Variants in CACNA2D3 observed in about 807,000 individuals in gnomAD.
CACNA2D3 encodes the protein calcium voltage-gated channel auxiliary subunit alpha2delta 3.
A neutral mutation model predicts 160.6 loss-of-function variants in CACNA2D3; 60 were observed. The observed-to-expected ratio is 0.37, with a 90% CI of 0.30 to 0.46. The LOEUF (loss-of-function observed/expected upper bound fraction) is 0.46, where lower values mean the gene tolerates loss of function less well. CACNA2D3 is among the 20% of genes least tolerant of loss of function. CACNA2D3 has a pLI of 1.00. For missense variants in CACNA2D3, 1,205 were observed against 1,365.0 expected (o/e 0.88, Z 1.85); for synonymous variants, 558 against 492.9 (o/e 1.13, Z -1.75).
At chr3:54,739,647 A>G (rs938788566) in intron 11 of CACNA2D3, among the ~76,000 whole-genome samples, 2 of 151,982 alleles carry the variant, frequency 1.3e-5, no homozygotes, top group South Asian at 2.1e-4. Flanking sequence ...AGCTGGGGCC[A>G]TAGAGTCCAA....
intron 11 of CACNA2D3, among the ~76,000 whole-genome samples, chr3:54,717,282 G>GA (rs1701067839): frequency 6.6e-6 from 1 of 152,130 alleles, no homozygotes; most frequent in Non-Finnish European, 1.5e-5. Flanking sequence ...ATGCTGCTGT[G>GA]AAAATTCTTC....
intron 29 of CACNA2D3, among the ~76,000 whole-genome samples, chr3:54,980,342 A>G (rs192190415): frequency 7.2e-5 from 11 of 152,260 alleles, no homozygotes; most frequent in African/African-American, 2.4e-4. Flanking sequence ...ACTGAATACT[A>G]CCTCTTTAAC....
At chr3:54,627,487 A>G (rs1016167626) in intron 9 of CACNA2D3, among the ~76,000 whole-genome samples, 6 of 152,150 alleles carry the variant, frequency 3.9e-5, no homozygotes, top group African/African-American at 1.2e-4. Context: ...GTAGGAGAGG[A>G]AAAGAGTCAC....
intron 3 of CACNA2D3, among the ~76,000 whole-genome samples, chr3:54,380,059 C>T (rs771903639): frequency 6.6e-6 from 1 of 152,160 alleles, no homozygotes; most frequent in Non-Finnish European, 1.5e-5. Flanking sequence ...AATCTCAACA[C>T]CAGAAGGAAT....
At chr3:54,195,691 C>A (rs1260929092) in intron 2 of CACNA2D3, among the ~76,000 whole-genome samples, 1 of 152,080 alleles carries the variant, frequency 6.6e-6, no homozygotes, top group Non-Finnish European at 1.5e-5. Flanking sequence ...GTGATGGTGG[C>A]AACATTTCTT....
At chr3:54,815,722 T>A (rs1352001779) in intron 13 of CACNA2D3, among the ~76,000 whole-genome samples, 1 of 152,328 alleles carries the variant, frequency 6.6e-6, no homozygotes, top group African/African-American at 2.4e-5. Flanking sequence ...AACCTTTAAG[T>A]TCCATTTTAG....
intron 4 of CACNA2D3, among the ~76,000 whole-genome samples, chr3:54,496,563 T>C (rs548588955): frequency 6.6e-6 from 1 of 152,328 alleles, no homozygotes; most frequent in East Asian, 1.9e-4. Flanking sequence ...CAGATGTGTG[T>C]ATTACGAATA....
chr3:54,467,451 G>A (rs1700648907), intron 4 of CACNA2D3, among the ~76,000 whole-genome samples: 1 of 152,180 alleles, frequency 6.6e-6, no homozygotes, highest in African/African-American at 2.4e-5. Context: ...GCAATGATGG[G>A]TCTCAAGTCT....
At chr3:54,186,827 A>G (rs150117227) in intron 2 of CACNA2D3, among the ~76,000 whole-genome samples, 1 of 152,208 alleles carries the variant, frequency 6.6e-6, no homozygotes, top group Non-Finnish European at 1.5e-5. Context: ...AATGCTCACC[A>G]ACGGCAGGCC....
At chr3:54,159,523 G>A (rs1045655918) in intron 2 of CACNA2D3, among the ~76,000 whole-genome samples, 1 of 152,116 alleles carries the variant, frequency 6.6e-6, no homozygotes, top group African/African-American at 2.4e-5. Context: ...GTAGAAGAGG[G>A]GGTAAATCAA....
At chr3:54,630,302 G>A (rs1039795529) in intron 10 of CACNA2D3, among the ~76,000 whole-genome samples, 1 of 152,058 alleles carries the variant, frequency 6.6e-6, no homozygotes, top group Non-Finnish European at 1.5e-5. Flanking sequence ...GTCATTAGGA[G>A]TGTCTGCTCC....
At chr3:54,600,040 G>A (rs1265282591) in intron 9 of CACNA2D3, among the ~76,000 whole-genome samples, 1 of 152,208 alleles carries the variant, frequency 6.6e-6, no homozygotes, top group East Asian at 1.9e-4. Flanking sequence ...TTTTTTGCCT[G>A]AAACACTTTC....
intron 1 of CACNA2D3, 76 bp from the exon 2 acceptor site, chr3:54,123,437 G>A: frequency 1.1e-6 from 1 of 911,524 alleles, no homozygotes; most frequent in Non-Finnish European, 1.9e-6. Context: ...ATAGTCCCAT[G>A]TGTGCGTGTG....
chr3:55,052,750 C>G (rs1331292082), intron 35 of CACNA2D3, among the ~76,000 whole-genome samples: 1 of 152,042 alleles, frequency 6.6e-6, no homozygotes, highest in Non-Finnish European at 1.5e-5. Flanking sequence ...CCTTTTTACA[C>G]TTGTAGTATT....
intron 34 of CACNA2D3, among the ~76,000 whole-genome samples, chr3:55,016,779 G>T (rs1327108283): frequency 6.6e-6 from 1 of 152,154 alleles, no homozygotes; most frequent in Non-Finnish European, 1.5e-5. Context: ...AGATTACAAT[G>T]CATTGTGCTC....
chr3:54,290,178 C>G (rs1014288979), intron 2 of CACNA2D3, among the ~76,000 whole-genome samples: 4 of 152,086 alleles, frequency 2.6e-5, no homozygotes, highest in African/African-American at 9.7e-5. Context: ...GGGCTAATAT[C>G]CAGAATCTAC....
At chr3:54,534,369 C>A (rs377598325) in intron 5 of CACNA2D3, among the ~76,000 whole-genome samples, 101 of 152,248 alleles carry the variant, frequency 6.6e-4, no homozygotes, top group African/African-American at 2.3e-3. Context: ...CCACTCACAA[C>A]TGTAACCTTC....
intron 2 of CACNA2D3, among the ~76,000 whole-genome samples, chr3:54,144,083 C>T (rs1206654819): frequency 6.6e-6 from 1 of 152,198 alleles, no homozygotes; most frequent in Non-Finnish European, 1.5e-5. Flanking sequence ...CAAGAATATT[C>T]ACATTAAAAT....
At chr3:54,276,536 G>A (rs1465476651) in intron 2 of CACNA2D3, among the ~76,000 whole-genome samples, 2 of 148,552 alleles carry the variant, frequency 1.3e-5, no homozygotes, top group African/African-American at 2.5e-5. Context: ...TCACGTGGCT[G>A]CACTCCAGCC....
Sources: allele counts gnomAD v4.1 joint callset (sites outside exome capture counted in the v4.1 genomes callset), GRCh38; gene constraint gnomAD v4.1.1; transcripts MANE v1.5; gene names NCBI Gene and HGNC (gene_info 2026-07-23, HGNC 2026-07-21).